Variants in CNTN1 observed in about 807,000 individuals in gnomAD.
CNTN1 encodes the protein contactin 1, also known as contactin-1.
Under a neutral mutation model 126.4 loss-of-function variants are expected in CNTN1, and 38 were observed. That is an observed-to-expected ratio of 0.30 (90% CI 0.23 to 0.39). The LOEUF (loss-of-function observed/expected upper bound fraction) is 0.39. Among genes scored for constraint, CNTN1 ranks in the 10% least tolerant of loss-of-function variants. CNTN1 has a pLI of 1.00. For missense variants in CNTN1, 1,009 were observed against 1,248.4 expected (o/e 0.81, Z 2.89); for synonymous variants, 413 against 422.6 (o/e 0.98, Z 0.28).
At chr12:40,797,422 G>C (rs886782356) in intron 1 of CNTN1, among the ~76,000 whole-genome samples, 13 of 152,102 alleles carry the variant, frequency 8.5e-5, no homozygotes, top group African/African-American at 3.1e-4. Context: ...CAGGCCAAAA[G>C]AGCAGCTTAT....
chr12:41,057,147 G>T (rs999171986), intron 23 of CNTN1, among the ~76,000 whole-genome samples: 3 of 137,416 alleles, frequency 2.2e-5, no homozygotes, highest in Admixed American at 7.5e-5. Flanking sequence ...ATTATATTTA[G>T]ATATTTATAA....
At chr12:41,050,385 A>G (rs148443098) in intron 23 of CNTN1, among the ~76,000 whole-genome samples, 34 of 152,342 alleles carry the variant, frequency 2.2e-4, no homozygotes, top group African/African-American at 7.9e-4. Context: ...CAGGAAACTT[A>G]TAATCATGGC....
chr12:40,957,502 A>G (rs1566035225), intron 14 of CNTN1, among the ~76,000 whole-genome samples: 2 of 151,300 alleles, frequency 1.3e-5, no homozygotes, highest in Non-Finnish European at 2.9e-5. Flanking sequence ...TCAGTAAACT[A>G]ACTTTACTAG....
At chr12:40,998,933 G>A (rs1948286275) in intron 17 of CNTN1, among the ~76,000 whole-genome samples, 1 of 152,062 alleles carries the variant, frequency 6.6e-6, no homozygotes, top group Non-Finnish European at 1.5e-5. Context: ...AATTAAAGTA[G>A]TCAATATGTT....
intron 1 of CNTN1, among the ~76,000 whole-genome samples, chr12:40,892,794 A>G (rs1429513202): frequency 6.6e-6 from 1 of 152,068 alleles, no homozygotes; most frequent in Non-Finnish European, 1.5e-5. Context: ...TATACAATGT[A>G]TGTTAAGAGA....
intron 1 of CNTN1, among the ~76,000 whole-genome samples, chr12:40,717,770 A>T (rs1942085657): frequency 1.3e-5 from 2 of 152,218 alleles, no homozygotes. Context: ...TCCTGTAAAC[A>T]TGGGACACCT....
intron 1 of CNTN1, among the ~76,000 whole-genome samples, chr12:40,820,986 C>A (rs1941424569): frequency 6.6e-6 from 1 of 152,126 alleles, no homozygotes. Context: ...CCATCTCTGT[C>A]AACTTGATGA....
intron 1 of CNTN1, among the ~76,000 whole-genome samples, chr12:40,720,700 G>C (rs1222376710): frequency 6.6e-6 from 1 of 152,060 alleles, no homozygotes; most frequent in Non-Finnish European, 1.5e-5. Flanking sequence ...AAGCTAAGGC[G>C]AGTGGATCAC....
At chr12:40,738,907 A>G (rs1350135346) in intron 1 of CNTN1, among the ~76,000 whole-genome samples, 4 of 152,218 alleles carry the variant, frequency 2.6e-5, no homozygotes, top group East Asian at 1.9e-4. Context: ...ATTTAGTACC[A>G]TAGAAGATTC....
intron 1 of CNTN1, among the ~76,000 whole-genome samples, chr12:40,870,075 C>A (rs911627996): frequency 2.0e-5 from 3 of 152,138 alleles, no homozygotes; most frequent in Non-Finnish European, 4.4e-5. Flanking sequence ...CCTGCACAAG[C>A]CCTCTTGTCT....
At chr12:40,911,051 C>T (rs903054256) in intron 3 of CNTN1, among the ~76,000 whole-genome samples, 6 of 152,190 alleles carry the variant, frequency 3.9e-5, no homozygotes, top group South Asian at 2.1e-4. Flanking sequence ...CTCAGAATTA[C>T]GGCAGGAGGC....
chr12:40,883,209 G>A (rs906219581), intron 1 of CNTN1, among the ~76,000 whole-genome samples: 10 of 151,584 alleles, frequency 6.6e-5, no homozygotes, highest in African/African-American at 2.4e-4. Context: ...GGTTGAGAAT[G>A]ATCTAATTCA....
intron 6 of CNTN1, among the ~76,000 whole-genome samples, chr12:40,925,469 TATGTAC>T (rs1363787454): frequency 6.6e-6 from 1 of 151,028 alleles, no homozygotes; most frequent in Non-Finnish European, 1.5e-5. Flanking sequence ...GATGTGTGTG[TATGTAC>T]ATATACACAC....
intron 16 of CNTN1, among the ~76,000 whole-genome samples, chr12:40,988,295 C>A (rs528866421): frequency 6.6e-6 from 1 of 152,086 alleles, no homozygotes; most frequent in Non-Finnish European, 1.5e-5. Context: ...TGCGTACTTA[C>A]AAATATTTGG....
chr12:40,792,984 A>G (rs1940275641), intron 1 of CNTN1, among the ~76,000 whole-genome samples: 1 of 152,100 alleles, frequency 6.6e-6, no homozygotes, highest in African/African-American at 2.4e-5. Context: ...GAAAATCTAC[A>G]TTAGTGAAAT....
chr12:40,999,644 C>T (rs917545930), intron 17 of CNTN1, among the ~76,000 whole-genome samples: 3 of 150,216 alleles, frequency 2.0e-5, no homozygotes, highest in Non-Finnish European at 4.4e-5. Context: ...ATCAATAATC[C>T]AAGTAAGATA....
chr12:40,882,977 C>T (rs913495609), intron 1 of CNTN1, among the ~76,000 whole-genome samples: 2 of 151,562 alleles, frequency 1.3e-5, no homozygotes, highest in African/African-American at 4.8e-5. Context: ...ATTTAAGATG[C>T]ATCTGATCGT....
chr12:41,060,361 C>A (rs541489366), intron 23 of CNTN1, among the ~76,000 whole-genome samples: 34 of 152,190 alleles, frequency 2.2e-4, no homozygotes, highest in Non-Finnish European at 4.1e-4. Context: ...GAAGAGGAAC[C>A]ATTAACCTTG....
chr12:40,776,458 G>A (rs780605325), intron 1 of CNTN1, among the ~76,000 whole-genome samples: 2 of 151,434 alleles, frequency 1.3e-5, no homozygotes, highest in Admixed American at 6.6e-5. Context: ...TTTGTGACTC[G>A]TAATTCTTAG....
Sources: gnomAD v4.1 joint callset for allele counts (sites outside exome capture counted in the v4.1 genomes callset) on GRCh38, gnomAD v4.1.1 for gene constraint, MANE v1.5 for transcripts, NCBI Gene and HGNC (gene_info 2026-07-23, HGNC 2026-07-21) for gene names.